Variants in TRDN observed in about 807,000 individuals in gnomAD.
The protein encoded by TRDN is triadin.
TRDN carries 161 observed loss-of-function variants against 149.7 expected under a neutral mutation model. The ratio of observed to expected loss-of-function variants is 1.08; its 90% CI spans 0.95 to 1.23. The LOEUF is 1.23. TRDN is among the 50% of genes most tolerant of loss of function. The probability of loss-of-function intolerance (pLI) is 0.00; values close to 1 mark genes in which losing one functional copy is unlikely to be tolerated. For synonymous variants in TRDN, 294 were observed against 250.5 expected, an observed-to-expected ratio of 1.17 and a Z score of -1.64; for missense variants, 896 against 823.5, an observed-to-expected ratio of 1.09 and a Z score of -1.08.
intron 7 of TRDN, among the ~76,000 whole-genome samples, chr6:123,505,757 T>C (rs568320192): frequency 2.0e-4 from 30 of 152,024 alleles, no homozygotes; most frequent in African/African-American, 7.0e-4. Flanking sequence ...TGTAGTGCAG[T>C]GGCACGATCT....
At chr6:123,254,952 C>T (rs141040087) in intron 37 of TRDN, 129 bp downstream of exon 37, 6 of 621,780 alleles carry the variant, frequency 9.6e-6, no homozygotes, top group Admixed American at 2.2e-5. Context: ...CTGTCCACTT[C>T]CTCTGCTATT....
rs1435489468 is a variant in TRDN, at chr6:123,497,931, A to AC, written c.794-680_794-679insG. Among the ~76,000 whole-genome samples, 533 of 152,082 alleles carry AC rather than the reference A, an allele frequency of 3.5e-3. 2 individuals carry two copies. Among genetic ancestry groups the AC allele is most frequent in the Non-Finnish European group, 5.0e-3 (341 of 67,972 alleles). Reference sequence around the variant, plus strand: ...GTGAAAGTAAACAAACAAACAAAAAAAACATAGTATGTAAACATCATTTTG... The same window carrying AC: ...GTGAAAGTAAACAAACAAACAAAAAACAACATAGTATGTAAACATCATTTTG... On this transcript the variant is annotated intron_variant, in intron 8 of 40. Coordinates refer to ENST00000334268, the MANE Select transcript of TRDN (RefSeq NM_006073.4).
intron 9 of TRDN, among the ~76,000 whole-genome samples, chr6:123,465,847 C>G (rs1214261895): frequency 6.6e-6 from 1 of 152,194 alleles, no homozygotes; most frequent in Non-Finnish European, 1.5e-5. Flanking sequence ...TAAAATCTCA[C>G]TGACAACTAG....
intron 1 of TRDN, among the ~76,000 whole-genome samples, chr6:123,635,162 G>T (rs1318755546): frequency 6.6e-6 from 1 of 151,952 alleles, no homozygotes; most frequent in Non-Finnish European, 1.5e-5. Context: ...CTTGTGCAGA[G>T]CTAAACAAGA....
chr6:123,545,409 C>G (rs919596979), intron 4 of TRDN, among the ~76,000 whole-genome samples: 2 of 151,736 alleles, frequency 1.3e-5, no homozygotes, highest in Admixed American at 6.6e-5. Flanking sequence ...CTCATTGCCT[C>G]TATACTTCCA....
At chr6:123,228,118 CT>C (rs528008576) in intron 38 of TRDN, among the ~76,000 whole-genome samples, 184 of 151,910 alleles carry the variant, frequency 1.2e-3, no homozygotes, top group African/African-American at 4.3e-3. Context: ...AGCCACTGTT[CT>C]AAGCACTTTA....
intron 12 of TRDN, among the ~76,000 whole-genome samples, chr6:123,401,435 A>T (rs1772967667): frequency 6.6e-6 from 1 of 152,162 alleles, no homozygotes; most frequent in African/African-American, 2.4e-5. Context: ...TTAAATGAGA[A>T]AACACGTCTC....
chr6:123,602,103 C>T (rs12529515), intron 1 of TRDN, among the ~76,000 whole-genome samples: 5,404 of 152,170 alleles, frequency 0.036, 363 homozygotes, highest in Admixed American at 0.18. Context: ...GCTCTCATGA[C>T]GTTTACATTC....
chr6:123,269,863 T>G lies in TRDN; in HGVS notation c.1724A>C (p.Lys575Thr), dbSNP rs1287828753. Residue 575 changes from lysine to threonine, a missense_variant, in exon 31 of 41, where the codon AAG (lysine) becomes ACG (threonine). Lys to Thr is a moderately conservative substitution (Grantham distance 78). Transcript: ENST00000334268. ...TCATCTCTTACTTGTTGGTTTGGGC[T>G]TGGCTGTGGAGAATGGAGGCAAGCA... ...VKAVTIEKTA[K>T]PKPTKKAEHR... The G allele has an allele frequency of 1.2e-6, 2 of 1,610,726 alleles. No homozygotes were observed. Among genetic ancestry groups the G allele is most frequent in the East Asian group, 4.5e-5 (2 of 44,660 alleles).
chr6:123,226,568 G>C (rs1303309564), intron 38 of TRDN, among the ~76,000 whole-genome samples: 1 of 151,864 alleles, frequency 6.6e-6, no homozygotes, highest in South Asian at 2.1e-4. Flanking sequence ...GCTGGCAAGA[G>C]CTGAGTCACA....
At chr6:123,501,596 T>C (rs1213909025) in intron 8 of TRDN, among the ~76,000 whole-genome samples, 1 of 152,074 alleles carries the variant, frequency 6.6e-6, no homozygotes, top group Non-Finnish European at 1.5e-5. Context: ...AATGACATAT[T>C]TATATGTCTG....
chr6:123,629,414 T>A (rs993109292), intron 1 of TRDN, among the ~76,000 whole-genome samples: 2 of 152,130 alleles, frequency 1.3e-5, no homozygotes, highest in African/African-American at 2.4e-5. Flanking sequence ...GAGGGGAGAA[T>A]GATGCAGCAA....
intron 12 of TRDN, among the ~76,000 whole-genome samples, chr6:123,401,930 G>A (rs371836926): frequency 6.0e-5 from 9 of 149,970 alleles, no homozygotes; most frequent in African/African-American, 2.2e-4. Context: ...CTGGGTAACG[G>A]AGCGAGACTC....
intron 9 of TRDN, among the ~76,000 whole-genome samples, chr6:123,495,600 A>G (rs1352619760): frequency 6.6e-6 from 1 of 152,086 alleles, no homozygotes; most frequent in Non-Finnish European, 1.5e-5. Flanking sequence ...TCCTGGGCTG[A>G]AGTGATCCTC....
chr6:123,495,335 A>G (rs903098353), intron 9 of TRDN, among the ~76,000 whole-genome samples: 1 of 151,716 alleles, frequency 6.6e-6, no homozygotes, highest in Non-Finnish European at 1.5e-5. Context: ...CCTGGCTAAC[A>G]TGGTGAAACC....
intron 25 of TRDN, 129 bp from the exon 26 acceptor site, chr6:123,278,476 C>T (rs944877197): frequency 4.6e-5 from 26 of 567,040 alleles, no homozygotes; most frequent in African/African-American, 8.0e-5. Context: ...CTATTAACTT[C>T]GAAAAGTTCA....
chr6:123,350,127 T>A, intron 21 of TRDN: 2 of 973,322 alleles, frequency 2.1e-6, no homozygotes, highest in Non-Finnish European at 2.4e-6. Flanking sequence ...CTAACTGTGT[T>A]AAAATTTATT....
intron 8 of TRDN, among the ~76,000 whole-genome samples, chr6:123,499,719 A>AAAAAATATAT: frequency 4.2e-5 from 2 of 47,684 alleles, no homozygotes; most frequent in African/African-American, 7.1e-5. Context: ...AAAAAAAAAA[A>AAAAAATATAT]ATATATATAT....
intron 12 of TRDN, among the ~76,000 whole-genome samples, chr6:123,407,079 G>T (rs1426925273): frequency 6.6e-6 from 1 of 152,124 alleles, no homozygotes; most frequent in Non-Finnish European, 1.5e-5. Context: ...TGGGAGCTTT[G>T]ATAATATACT....
Sources: gnomAD v4.1 joint callset for allele counts (sites outside exome capture counted in the v4.1 genomes callset) on GRCh38, gnomAD v4.1.1 for gene constraint, MANE v1.5 for transcripts, NCBI Gene and HGNC (gene_info 2026-07-23, HGNC 2026-07-21) for gene names.